Variants in UNC80 observed in about 807,000 individuals in gnomAD.
UNC80 encodes the protein protein unc-80 homolog.
In UNC80, 164 loss-of-function variants were observed where a neutral mutation model predicts 384.6. The observed-to-expected ratio is 0.43, with a 90% CI of 0.38 to 0.49. The LOEUF (loss-of-function observed/expected upper bound fraction) is 0.49. UNC80 is among the 20% of genes least tolerant of loss of function. The probability of loss-of-function intolerance (pLI) is 0.00; values close to 1 mark genes in which losing one functional copy is unlikely to be tolerated. For synonymous variants in UNC80, 1,486 were observed against 1,527.8 expected (o/e 0.97, Z 0.64); for missense variants, 3,330 against 4,143.0 (o/e 0.80, Z 5.39).
intron 22 of UNC80, among the ~76,000 whole-genome samples, chr2:209,867,816 G>C (rs977561960): frequency 6.6e-6 from 1 of 151,918 alleles, no homozygotes; most frequent in East Asian, 1.9e-4. Context: ...AGTTGTCTTC[G>C]ATCTCACTTT....
chr2:209,796,180 AT>A (rs1438411317), intron 7 of UNC80: 2 of 152,258 alleles, frequency 1.3e-5, no homozygotes. Flanking sequence ...AAAGAAGATC[AT>A]TTTGGAGCTT....
rs2125036192 is a variant in UNC80, at chr2:209,995,451, A to G, written c.9831A>G (p.Thr3277=). ...SDPDDFTGLE[T]SSLLQHGDTV... ...CTGATGACTTCACAGGCCTCGAGAC[A>G]TCCAGCCTCCTACAGCATGGAGACA... The change falls in exon 65 of 65, where the codon ACA becomes ACG. Residue 3277 remains threonine, a synonymous_variant. Transcript: ENST00000673920. 1 of 1,551,902 alleles carries G rather than the reference A, an allele frequency of 6.4e-7. No homozygotes were observed.
At chr2:209,968,098 T>C (rs1163543158) in intron 52 of UNC80, 1 of 153,210 alleles carries the variant, frequency 6.5e-6, no homozygotes, top group Non-Finnish European at 1.5e-5. Context: ...GCTTAAAAAT[T>C]CGCAGGATTG....
At chr2:209,853,875 T>C (rs977008152) in intron 22 of UNC80, among the ~76,000 whole-genome samples, 2 of 152,116 alleles carry the variant, frequency 1.3e-5, no homozygotes, top group African/African-American at 4.8e-5. Flanking sequence ...GAATTCTCCC[T>C]AGTCTGTGAG....
intron 28 of UNC80, among the ~76,000 whole-genome samples, chr2:209,897,933 T>C (rs2086965026): frequency 6.6e-6 from 1 of 152,194 alleles, no homozygotes; most frequent in South Asian, 2.1e-4. Flanking sequence ...ATATTTCTTC[T>C]GGGAGTAATT....
chr2:209,808,659 T>A (rs991446640), intron 7 of UNC80: 1 of 145,372 alleles, frequency 6.9e-6, no homozygotes, highest in South Asian at 2.1e-4. Context: ...TAAAGAGGCG[T>A]GGCCGGAAAG....
At position 209,996,780 on chromosome 2, in the gene UNC80, G is replaced by T. The variant is rs974768720; in HGVS notation, c.*1185G>T. The T allele has an allele frequency of 3.9e-5, 6 of 152,150 alleles. No homozygotes were observed. Among genetic ancestry groups the T allele is most frequent in the African/African-American group, 1.4e-4 (6 of 41,446 alleles). The allele number at this position is 152,150 out of a possible 1,614,324, so 9.4% of individuals were successfully genotyped here. On this transcript the variant is annotated 3_prime_UTR_variant, in exon 65 of 65. Coordinates refer to ENST00000673920, the MANE Select transcript of UNC80 (RefSeq NM_001371986.1). ...CTATGGTAGGGCTGTGCATCACGTGGTTCACAATTGAATTTCAAAATTTTA... is the reference window on the plus strand; with the variant it reads ...CTATGGTAGGGCTGTGCATCACGTGTTTCACAATTGAATTTCAAAATTTTA...
intron 7 of UNC80, among the ~76,000 whole-genome samples, chr2:209,794,444 T>C (rs1438704385): frequency 6.6e-6 from 1 of 152,192 alleles, no homozygotes; most frequent in Admixed American, 6.5e-5. Context: ...AGACTATCTG[T>C]ATATCCCTAC....
chr2:209,887,329 G>A (rs186705941), intron 25 of UNC80, among the ~76,000 whole-genome samples: 13 of 152,118 alleles, frequency 8.5e-5, no homozygotes, highest in South Asian at 4.2e-4. Context: ...GTGAGCCACC[G>A]AGCCCGGCCC....
intron 12 of UNC80, among the ~76,000 whole-genome samples, chr2:209,819,747 A>G (rs1356835728): frequency 6.6e-6 from 1 of 152,236 alleles, no homozygotes; most frequent in Non-Finnish European, 1.5e-5. Flanking sequence ...TTACAATTAT[A>G]TTTCACAAAA....
intron 22 of UNC80, among the ~76,000 whole-genome samples, chr2:209,850,237 A>G (rs985403676): frequency 1.3e-5 from 2 of 152,116 alleles, no homozygotes; most frequent in Non-Finnish European, 2.9e-5. Context: ...TTTATCAGGT[A>G]AATTAGGCCC....
intron 47 of UNC80, 23 bp from the exon 48 acceptor site, chr2:209,954,077 G>T (rs191481355): frequency 1.3e-6 from 2 of 1,537,578 alleles, no homozygotes; most frequent in South Asian, 2.4e-5. Flanking sequence ...AAGGTGACTC[G>T]GTTTTCTTTC....
Position 209,775,969 on chromosome 2 carries a change from A to G in UNC80, c.222A>G (p.Arg74=), listed in dbSNP as rs966811361. The change falls in exon 3 of 65, where the codon AGA becomes AGG. Residue 74 remains arginine, a synonymous_variant. Coordinates refer to ENST00000673920, the MANE Select transcript of UNC80 (RefSeq NM_001371986.1). ...ALSEAIQSIS[R]WELVQAALPH... ...CTGAAGCCATCCAGAGCATTTCCAGATGGGAACTGGTGCAAGCTGCTTTGC... is the reference window on the plus strand; with the variant it reads ...CTGAAGCCATCCAGAGCATTTCCAGGTGGGAACTGGTGCAAGCTGCTTTGC... The G allele has an allele frequency of 1.9e-6, 3 of 1,614,114 alleles. No individual in the cohort carries two copies. Among genetic ancestry groups the G allele is most frequent in the Non-Finnish European group, 2.5e-6 (3 of 1,179,998 alleles).
intron 28 of UNC80, among the ~76,000 whole-genome samples, chr2:209,903,190 A>T (rs2087627078): frequency 6.7e-6 from 1 of 149,960 alleles, no homozygotes; most frequent in South Asian, 2.1e-4. Flanking sequence ...TTTAGTAAAA[A>T]CAAAATTTTG....
Position 209,929,957 on chromosome 2 carries a change from A to G in UNC80, c.5893A>G (p.Ile1965Val), listed in dbSNP as rs1244688503. 1.3e-6 allele frequency: 2 copies of G among 1,539,214 alleles called. No individual in the cohort carries two copies. Among genetic ancestry groups the G allele is most frequent in the East Asian group, 2.5e-5 (1 of 40,512 alleles). Residue 1965 changes from isoleucine to valine, a missense_variant, in exon 37 of 65, where the codon ATC (isoleucine) becomes GTC (valine). Physicochemically the swap from Ile to Val is conservative, Grantham distance 29. Transcript: ENST00000673920. ...TCGACATTTTCTGGAAAAACTGACC[A>G]TCAGCAATAGACAAGTAAATTCCTC... ...VLRHFLEKLT[I>V]SNRQDELMYM...
intron 56 of UNC80, among the ~76,000 whole-genome samples, chr2:209,974,181 A>G (rs537494103): frequency 5.3e-5 from 8 of 152,328 alleles, no homozygotes; most frequent in African/African-American, 1.7e-4. Context: ...AAACACACTG[A>G]TGAAAATGAG....
chr2:209,808,767 T>TCTGCGCTACTCAGCGACCTCGTTGCC (rs2079103043), intron 7 of UNC80: 3 of 59,254 alleles, frequency 5.1e-5, no homozygotes, highest in Admixed American at 3.6e-4. Flanking sequence ...CCTGCGCTAC[T>TCTGCGCTACTCAGCGACCTCGTTGCC]TCTGCGCTAC....
At chr2:209,877,736 T>TAC (rs1292701268) in intron 23 of UNC80, among the ~76,000 whole-genome samples, 1 of 152,228 alleles carries the variant, frequency 6.6e-6, no homozygotes, top group African/African-American at 2.4e-5. Context: ...TTCCAGTTTT[T>TAC]ACAAGTCTTT....
At chr2:209,834,224 A>T in intron 17 of UNC80, 56 bp downstream of exon 17, 1 of 1,519,730 alleles carries the variant, frequency 6.6e-7, no homozygotes, top group South Asian at 1.2e-5. Flanking sequence ...GTAGAATAAA[A>T]TCTGTTGTAC....
Sources: allele counts gnomAD v4.1 joint callset (sites outside exome capture counted in the v4.1 genomes callset), GRCh38; gene constraint gnomAD v4.1.1; transcripts MANE v1.5; gene names NCBI Gene and HGNC (gene_info 2026-07-23, HGNC 2026-07-21).